PIGK: variants seen among roughly 807,000 people sequenced by gnomAD.
The protein encoded by PIGK is GPI-anchor transamidase.
PIGK carries 42 observed loss-of-function variants against 50.6 expected under a neutral mutation model. The ratio of observed to expected loss-of-function variants is 0.83; its 90% confidence interval spans 0.65 to 1.07. The LOEUF is 1.07. PIGK is among the 50% of genes least tolerant of loss of function. The pLI is 0.00. For synonymous variants in PIGK, 151 were observed against 156.0 expected, an observed-to-expected ratio of 0.97 and a Z score of 0.24; for missense variants, 448 against 488.7, an observed-to-expected ratio of 0.92 and a Z score of 0.78.
Position 77,169,348 on chromosome 1 carries a change from T to C in PIGK, c.287A>G (p.Asn96Ser), listed in dbSNP as rs1655305034. ...ACTAAACACTGTAGCTGGTTTGGGATTTCTAGGATTACAGGCCATATCATC... is the reference window on the plus strand; with the variant it reads ...ACTAAACACTGTAGCTGGTTTGGGACTTCTAGGATTACAGGCCATATCATC... ...LADDMACNPR[N>S]PKPATVFSHK... Residue 96 changes from asparagine (N) to serine (S), a missense_variant, in exon 4 of 11, where the codon AAT becomes AGT. Coordinates refer to ENST00000370812, the MANE Select transcript of PIGK (RefSeq NM_005482.3). The C allele has an allele frequency of 6.2e-7, 1 of 1,607,998 alleles. No individual in the cohort carries two copies. The highest frequency in any genetic ancestry group is 1.7e-5 in the Admixed American group (1 of 59,136).
At chr1:77,162,485 A>G (rs544459927) in intron 6 of PIGK, among the ~76,000 whole-genome samples, 10 of 152,290 alleles carry the variant, frequency 6.6e-5, no homozygotes, top group African/African-American at 2.4e-4. Flanking sequence ...AAGGTAGAAT[A>G]GGTTCAATTT....
chr1:77,102,130 T>C (rs765513794), intron 10 of PIGK, among the ~76,000 whole-genome samples: 14 of 152,248 alleles, frequency 9.2e-5, no homozygotes, highest in Non-Finnish European at 1.8e-4. Flanking sequence ...GCAAGACCTG[T>C]TGTGGTATTC....
chr1:77,197,009 C>A (rs889371339), intron 3 of PIGK, among the ~76,000 whole-genome samples: 3 of 151,944 alleles, frequency 2.0e-5, no homozygotes, highest in Admixed American at 2.0e-4. Flanking sequence ...TTTTTATGAT[C>A]TTTCTAATGA....
chr1:77,104,657 T>C (rs1653623779), intron 10 of PIGK, among the ~76,000 whole-genome samples: 1 of 152,122 alleles, frequency 6.6e-6, no homozygotes, highest in Non-Finnish European at 1.5e-5. Context: ...AAACCAATAA[T>C]GACACAGGAT....
At chr1:77,187,409 T>G (rs1485736471) in intron 3 of PIGK, among the ~76,000 whole-genome samples, 2 of 152,158 alleles carry the variant, frequency 1.3e-5, no homozygotes, top group Non-Finnish European at 2.9e-5. Flanking sequence ...AACATTACGC[T>G]CTTCTGGCCT....
At chr1:77,139,386 T>G (rs1175477828) in intron 9 of PIGK, among the ~76,000 whole-genome samples, 1 of 151,786 alleles carries the variant, frequency 6.6e-6, no homozygotes, top group African/African-American at 2.4e-5. Flanking sequence ...TTTCTTTAGA[T>G]GAAGGTGCAG....
At chr1:77,198,650 A>G (rs1302232839) in intron 3 of PIGK, among the ~76,000 whole-genome samples, 1 of 152,050 alleles carries the variant, frequency 6.6e-6, no homozygotes, top group Non-Finnish European at 1.5e-5. Context: ...TTACAATAAT[A>G]ACAAAAAATA....
At chr1:77,152,200 C>A (rs1246528174) in intron 9 of PIGK, among the ~76,000 whole-genome samples, 1 of 151,972 alleles carries the variant, frequency 6.6e-6, no homozygotes, top group Non-Finnish European at 1.5e-5. Context: ...TAAATCCAAG[C>A]ACTTACAGCC....
intron 10 of PIGK, among the ~76,000 whole-genome samples, chr1:77,111,608 G>T (rs1457902590): frequency 6.7e-6 from 1 of 150,264 alleles, no homozygotes; most frequent in Non-Finnish European, 1.5e-5. Context: ...GGCCTGTTGT[G>T]GGGTGGAGGG....
chr1:77,206,947 A>T (rs1004515810), intron 2 of PIGK, among the ~76,000 whole-genome samples: 2 of 152,198 alleles, frequency 1.3e-5, no homozygotes, highest in Non-Finnish European at 2.9e-5. Context: ...CGGGAAGATC[A>T]CTTGGGTCCA....
At chr1:77,205,245 C>T (rs533523169) in intron 3 of PIGK, among the ~76,000 whole-genome samples, 2 of 151,946 alleles carry the variant, frequency 1.3e-5, no homozygotes, top group South Asian at 4.2e-4. Flanking sequence ...ACGCAAGAGC[C>T]GTTAAAGACC....
chr1:77,216,029 A>T (rs879544262), intron 1 of PIGK, among the ~76,000 whole-genome samples: 11 of 152,174 alleles, frequency 7.2e-5, no homozygotes, highest in Non-Finnish European at 1.3e-4. Context: ...AGCACTTTAG[A>T]GTAACTATAG....
At chr1:77,118,654 T>C (rs927479198) in intron 10 of PIGK, among the ~76,000 whole-genome samples, 3 of 152,242 alleles carry the variant, frequency 2.0e-5, no homozygotes, top group Admixed American at 1.3e-4. Context: ...TACTTTTCCA[T>C]GTATTATGAT....
At chr1:77,141,054 AT>A (rs1654639149) in intron 9 of PIGK, among the ~76,000 whole-genome samples, 1 of 152,194 alleles carries the variant, frequency 6.6e-6, no homozygotes, top group South Asian at 2.1e-4. Flanking sequence ...ATCTCTCAAT[AT>A]ACATGCTCTA....
intron 10 of PIGK, among the ~76,000 whole-genome samples, chr1:77,117,736 T>C (rs1486043505): frequency 1.3e-5 from 2 of 152,260 alleles, no homozygotes; most frequent in Non-Finnish European, 2.9e-5. Flanking sequence ...CACTCTCATC[T>C]GTCATTCTCT....
At chr1:77,167,955 A>G (rs1463796299) in intron 4 of PIGK, among the ~76,000 whole-genome samples, 2 of 152,158 alleles carry the variant, frequency 1.3e-5, no homozygotes, top group African/African-American at 4.8e-5. Flanking sequence ...CCTCAGCATC[A>G]CACAATATAC....
At chr1:77,200,265 T>A (rs1656131221) in intron 3 of PIGK, among the ~76,000 whole-genome samples, 1 of 151,982 alleles carries the variant, frequency 6.6e-6, no homozygotes, top group African/African-American at 2.4e-5. Flanking sequence ...CAATGTATAT[T>A]GAAGTACATG....
intron 3 of PIGK, among the ~76,000 whole-genome samples, chr1:77,194,389 G>C (rs115440059): frequency 0.011 from 1,666 of 151,472 alleles, 10 homozygotes; most frequent in Middle Eastern, 0.037. Context: ...ATCAACCTAG[G>C]TGCCCATAAA....
chr1:77,183,861 G>A (rs1008258209), intron 3 of PIGK, among the ~76,000 whole-genome samples: 2 of 152,150 alleles, frequency 1.3e-5, no homozygotes, highest in Admixed American at 1.3e-4. Flanking sequence ...TGGGATAGTG[G>A]AGTGGATTAG....
Sources: allele counts gnomAD v4.1 joint callset (sites outside exome capture counted in the v4.1 genomes callset), GRCh38; gene constraint gnomAD v4.1.1; transcripts MANE v1.5; gene names NCBI Gene and HGNC (gene_info 2026-07-23, HGNC 2026-07-21).